UGT1A8: variants seen among roughly 807,000 people sequenced by gnomAD.
The protein encoded by UGT1A8 is UDP glucuronosyltransferase family 1 member A8.
In UGT1A8, 39 loss-of-function variants were observed where a neutral mutation model predicts 45.3. That is an observed-to-expected ratio of 0.86 (90% confidence interval 0.67 to 1.12). UGT1A8 has a LOEUF of 1.12. UGT1A8 is among the 50% of genes most tolerant of loss of function. The probability of loss-of-function intolerance (pLI) is 0.00; values close to 1 mark genes in which losing one functional copy is unlikely to be tolerated. For missense variants in UGT1A8, 719 were observed against 664.9 expected, an observed-to-expected ratio of 1.08 and a Z score of -0.90; for synonymous variants, 275 against 249.2, an observed-to-expected ratio of 1.10 and a Z score of -0.97.
At chr2:233,757,272 A>G (rs1186408915) in intron 1 of UGT1A8, among the ~76,000 whole-genome samples, 15 of 122,852 alleles carry the variant, frequency 1.2e-4, no homozygotes, top group East Asian at 8.4e-4. Context: ...AGCCGATGCA[A>G]TGATTCAGAA....
intron 1 of UGT1A8, among the ~76,000 whole-genome samples, chr2:233,740,002 A>AAGTG (rs1284523350): frequency 6.6e-6 from 1 of 151,788 alleles, no homozygotes; most frequent in Admixed American, 6.5e-5. Context: ...TTGTCATACT[A>AAGTG]AGTGAGTTCT....
chr2:233,657,973 G>T lies in UGT1A8; in HGVS notation c.855+39411G>T, dbSNP rs569125238. Among the ~76,000 whole-genome samples, 3 of 150,698 alleles carry T rather than the reference G, an allele frequency of 2.0e-5. No individual in the cohort carries two copies. The East Asian group carries it at 5.8e-4, about 29-fold the overall frequency. ...AATTTAGATTTATGCAAGGTTGCAA[G>T]AACTAGCACAGAGAATTTTCATATC... On this transcript the variant is annotated intron_variant, in intron 1 of 4. Coordinates refer to ENST00000373450, the MANE Select transcript of UGT1A8 (RefSeq NM_019076.5).
At chr2:233,756,685 A>C (rs948825401) in intron 1 of UGT1A8, among the ~76,000 whole-genome samples, 1 of 152,128 alleles carries the variant, frequency 6.6e-6, no homozygotes, top group Non-Finnish European at 1.5e-5. Flanking sequence ...ACTGCTATAT[A>C]ATGACGATGA....
intron 1 of UGT1A8, among the ~76,000 whole-genome samples, chr2:233,710,321 A>G (rs944922303): frequency 1.3e-5 from 2 of 152,202 alleles, no homozygotes; most frequent in African/African-American, 4.8e-5. Context: ...TGTATGTATG[A>G]CTTCATAAGA....
intron 1 of UGT1A8, among the ~76,000 whole-genome samples, chr2:233,652,397 T>C (rs2073762851): frequency 6.6e-6 from 1 of 152,244 alleles, no homozygotes; most frequent in African/African-American, 2.4e-5. Flanking sequence ...TGCTCTTTTG[T>C]TCTTTTTTTA....
chr2:233,732,384 C>T (rs1031988593), intron 1 of UGT1A8, among the ~76,000 whole-genome samples: 4 of 152,258 alleles, frequency 2.6e-5, no homozygotes, highest in Middle Eastern at 3.4e-3. Flanking sequence ...GTCTTCTAGG[C>T]CATGCCTATG....
chr2:233,755,087 T>C (rs758822469), intron 1 of UGT1A8: 3 of 1,335,764 alleles, frequency 2.2e-6, no homozygotes, highest in South Asian at 1.1e-5. Flanking sequence ...AGATATCGCG[T>C]TTCTACGCGT....
At chr2:233,628,113 T>C (rs932243533) in intron 1 of UGT1A8, among the ~76,000 whole-genome samples, 1 of 152,110 alleles carries the variant, frequency 6.6e-6, no homozygotes, top group East Asian at 1.9e-4. Context: ...TAAGATTTAA[T>C]GCTGCCTCTA....
At chr2:233,730,564 A>G (rs1270529566) in intron 1 of UGT1A8, among the ~76,000 whole-genome samples, 1 of 152,140 alleles carries the variant, frequency 6.6e-6, no homozygotes, top group Non-Finnish European at 1.5e-5. Context: ...AGAATGACAC[A>G]CGAAGTTCAG....
At chr2:233,698,531 A>T (rs1411997726) in intron 1 of UGT1A8, among the ~76,000 whole-genome samples, 1 of 152,256 alleles carries the variant, frequency 6.6e-6, no homozygotes, top group Non-Finnish European at 1.5e-5. Flanking sequence ...CATAAAGTAA[A>T]CAGAACACGA....
At chr2:233,760,403 A>T (rs2125983562) in intron 1 of UGT1A8, 1 of 1,614,240 alleles carries the variant, frequency 6.2e-7, no homozygotes, top group Non-Finnish European at 8.5e-7. Flanking sequence ...GATGGCAGCC[A>T]CTGGCTGAGC....
Position 233,671,206 on chromosome 2 carries a change from G to A in UGT1A8, c.855+52644G>A, listed in dbSNP as rs954000101. 2.0e-5 allele frequency among the ~76,000 whole-genome samples: 3 copies of A among 152,310 alleles called. No individual in the cohort carries two copies. The East Asian group carries it at 5.8e-4, about 29-fold the overall frequency. On this transcript the variant is annotated intron_variant, in intron 1 of 4. Coordinates refer to ENST00000373450, the MANE Select transcript of UGT1A8 (RefSeq NM_019076.5). ...TGTGCAAGTTGAGCGGTCACTGAGA[G>A]GCAGCTCAGCAGAGTGCTCTCGCAA... is the stretch of plus-strand genomic sequence containing the variant.
At chr2:233,639,246 A>G (rs1047656829) in intron 1 of UGT1A8, among the ~76,000 whole-genome samples, 2 of 152,248 alleles carry the variant, frequency 1.3e-5, no homozygotes, top group Non-Finnish European at 2.9e-5. Context: ...CTATTAAAGA[A>G]TATACACATG....
intron 1 of UGT1A8, among the ~76,000 whole-genome samples, chr2:233,636,079 C>T (rs1336985142): frequency 6.6e-6 from 1 of 150,832 alleles, no homozygotes; most frequent in Non-Finnish European, 1.5e-5. Context: ...GCTGTCTTTC[C>T]CTGGAACATG....
chr2:233,693,075 T>A, intron 1 of UGT1A8: 1 of 1,614,184 alleles, frequency 6.2e-7, no homozygotes, highest in South Asian at 1.1e-5. Context: ...TGGGGCATGG[T>A]TGTAGGTGAC....
intron 1 of UGT1A8, among the ~76,000 whole-genome samples, chr2:233,724,625 A>C: frequency 7.3e-6 from 1 of 136,298 alleles, no homozygotes; most frequent in Non-Finnish European, 1.6e-5. Flanking sequence ...GACGCTCCTC[A>C]CTTCCTAGAT....
At chr2:233,628,696 A>T (rs2073134499) in intron 1 of UGT1A8, among the ~76,000 whole-genome samples, 1 of 152,100 alleles carries the variant, frequency 6.6e-6, no homozygotes, top group South Asian at 2.1e-4. Flanking sequence ...GTTTGCCTTG[A>T]GGAGTGGAGC....
In UGT1A8 at chr2:233,630,013, CTT is replaced by C. The variant is rs373074853; in HGVS notation, c.855+11459_855+11460del. ...AATATTGATAATTTCTTTCTTCTCT[CTT>C]TTTTTTTCAGATCAAGGTGGCTAGA... On this transcript the variant is annotated intron_variant, in intron 1 of 4. Transcript: ENST00000373450. 6.0e-5 allele frequency among the ~76,000 whole-genome samples: 9 copies of C among 151,160 alleles called. No individual in the cohort carries two copies. In the East Asian group the frequency reaches 1.7e-3, roughly 29 times the overall value.
chr2:233,664,947 T>G (rs2074042644), intron 1 of UGT1A8, among the ~76,000 whole-genome samples: 1 of 152,240 alleles, frequency 6.6e-6, no homozygotes, highest in Admixed American at 6.5e-5. Flanking sequence ...GATACTCTTT[T>G]TGGGAAAATA....
Sources: allele counts gnomAD v4.1 joint callset (sites outside exome capture counted in the v4.1 genomes callset), GRCh38; gene constraint gnomAD v4.1.1; transcripts MANE v1.5; gene names NCBI Gene and HGNC (gene_info 2026-07-23, HGNC 2026-07-21).